NHSL1: variants seen among roughly 807,000 people sequenced by gnomAD.
The protein encoded by NHSL1 is NHS like 1, also known as NHS-like protein 1.
NHSL1 carries 48 observed loss-of-function variants against 95.0 expected under a neutral mutation model. The ratio of observed to expected loss-of-function variants is 0.51; its 90% confidence interval spans 0.40 to 0.64. NHSL1 has a LOEUF of 0.64. Ranked by LOEUF, NHSL1 falls within the 30% of genes least tolerant of loss-of-function variation. NHSL1 has a pLI of 0.00. For synonymous variants in NHSL1, 783 were observed against 833.9 expected (o/e 0.94, Z 1.05); for missense variants, 1,971 against 2,077.7 (o/e 0.95, Z 1.00).
intron 2 of NHSL1, among the ~76,000 whole-genome samples, chr6:138,483,274 G>A (rs1190213977): frequency 6.6e-6 from 1 of 152,126 alleles, no homozygotes; most frequent in Non-Finnish European, 1.5e-5. Context: ...AATGCCCAAA[G>A]GAAAAGAGGG....
intron 1 of NHSL1, among the ~76,000 whole-genome samples, chr6:138,555,624 T>A (rs1018724282): frequency 1.3e-5 from 2 of 152,184 alleles, no homozygotes; most frequent in Non-Finnish European, 2.9e-5. Context: ...AAAAGTGACA[T>A]GAGAAAGCCT....
In NHSL1 at chr6:138,424,518, C is replaced by T; in HGVS notation, c.4384G>A (p.Glu1462Lys). 6.4e-7 allele frequency: 1 copy of T among 1,551,624 alleles called. No individual in the cohort carries two copies. ...CTTGGGGAGCAGCTTGACGGGCTCT[C>T]GGGGGCATCTGGGGAAGGCTCTGAC... ...SRSEPSPDAP[E>K]SPSSCSPSKN... Residue 1462 changes from glutamate to lysine, a missense_variant, in exon 8 of 8, where the codon GAG becomes AAG. Physicochemically the swap from Glu to Lys is moderately conservative, Grantham distance 56. Coordinates refer to ENST00000343505, the MANE Select transcript of NHSL1 (RefSeq NM_001144060.2). The surrounding 1 kb of genome is among the most constrained non-coding windows in gnomAD (Gnocchi z 5.9).
At chr6:138,463,511 T>C (rs1308051253) in intron 3 of NHSL1, among the ~76,000 whole-genome samples, 1 of 152,094 alleles carries the variant, frequency 6.6e-6, no homozygotes, top group East Asian at 1.9e-4. Context: ...GTTCTTTTTT[T>C]TTTTTTTTTT....
At chr6:138,566,855 CTCTT>C (rs1475359462) in intron 1 of NHSL1, among the ~76,000 whole-genome samples, 1 of 152,178 alleles carries the variant, frequency 6.6e-6, no homozygotes, top group Non-Finnish European at 1.5e-5. Context: ...CACTGTGTGT[CTCTT>C]TCACAGAATG....
chr6:138,649,609 A>C (rs528378489), intron 1 of NHSL1, among the ~76,000 whole-genome samples: 3 of 152,302 alleles, frequency 2.0e-5, no homozygotes, highest in Non-Finnish European at 4.4e-5. Flanking sequence ...CATCGCCATT[A>C]AACAGATGAG....
intron 1 of NHSL1, among the ~76,000 whole-genome samples, chr6:138,608,313 T>C (rs1341515339): frequency 6.6e-6 from 1 of 152,176 alleles, no homozygotes; most frequent in East Asian, 1.9e-4. Flanking sequence ...AGCCTCAAGA[T>C]TCTAAATCTT....
intron 1 of NHSL1, among the ~76,000 whole-genome samples, chr6:138,527,490 T>C: frequency 6.6e-6 from 1 of 152,168 alleles, no homozygotes; most frequent in East Asian, 1.9e-4. Context: ...CTCATTTGCA[T>C]CCATGAATAG....
At position 138,499,329 on chromosome 6, in the gene NHSL1, C is replaced by T. The variant is rs1780547824; in HGVS notation, c.-39G>A. The stretch of plus-strand genomic sequence containing the variant: ...ACATAGAGCTTAGAAATGTAAATCA[C>T]ATTAAAAGCTCAGCCCAGTAGGCAG... On this transcript the variant is annotated 5_prime_UTR_variant, in exon 1 of 8. In the 5' UTR this introduces an upstream ATG that the reference lacks. Transcript: ENST00000343505. 4 of 1,548,040 alleles carry T rather than the reference C, an allele frequency of 2.6e-6. No individual in the cohort carries two copies. The highest frequency in any genetic ancestry group is 3.5e-6 in the Non-Finnish European group (4 of 1,144,974).
In NHSL1 at chr6:138,455,524, AGCCCCGCCTTCACATGCTCCCTGCAAGG is replaced by A. The variant is rs767382871; in HGVS notation, c.340-8359_340-8332del. Reference sequence around the variant, plus strand: ...CCGCCTTCACATGCTCCCTGCAAGGAGCCCCGCCTTCACATGCTCCCTGCAAGGAGCCCCGCCTTCGCATGCTTCCTGG... The same window carrying A: ...CCGCCTTCACATGCTCCCTGCAAGGAAGCCCCGCCTTCGCATGCTTCCTGG... On this transcript the variant is annotated intron_variant, in intron 3 of 7. Transcript: ENST00000343505. 7.9e-3 allele frequency among the ~76,000 whole-genome samples: 787 copies of A among 99,794 alleles called. 7 individuals are homozygous for A. The highest frequency in any genetic ancestry group is 0.012 in the Non-Finnish European group (485 of 40,426). The allele number at this position is 99,794 out of a possible 152,430, so 65.5% of individuals were successfully genotyped here. A position where few individuals can be genotyped will look rare whatever the true frequency, so the allele number is the denominator to read the frequency against.
exon 1 of NHSL1, chr6:138,572,222 T>C: frequency 3.7e-6 from 1 of 268,104 alleles, no homozygotes. Flanking sequence ...TGAAGCAGCG[T>C]GTTCATTTCA....
intron 2 of NHSL1, among the ~76,000 whole-genome samples, chr6:138,485,858 CT>C (rs1486084211): frequency 6.6e-6 from 1 of 152,124 alleles, no homozygotes; most frequent in Non-Finnish European, 1.5e-5. Flanking sequence ...TATCATTTGT[CT>C]TTGAAAAGTC....
chr6:138,495,253 A>G (rs1780282797), intron 2 of NHSL1, among the ~76,000 whole-genome samples: 1 of 152,148 alleles, frequency 6.6e-6, no homozygotes, highest in African/African-American at 2.4e-5. Context: ...AATAAGAAAA[A>G]CAAACCACAA....
intron 1 of NHSL1, among the ~76,000 whole-genome samples, chr6:138,540,254 C>A (rs1422161025): frequency 1.3e-5 from 2 of 152,210 alleles, no homozygotes; most frequent in African/African-American, 4.8e-5. Flanking sequence ...TAAAACCAGA[C>A]ATCTAAATGT....
At position 138,560,116 on chromosome 6, in the gene NHSL1, G is replaced by A. The variant is rs142238476; in HGVS notation, c.202+11594C>T. Among the ~76,000 whole-genome samples, 460 of 152,300 alleles carry A rather than the reference G, an allele frequency of 3.0e-3. 3 individuals carry two copies. The highest frequency in any genetic ancestry group is 0.01 in the African/African-American group (435 of 41,568). On this transcript the variant is annotated intron_variant, in intron 1 of 6. Transcript: ENST00000427025. ...CTCAACTTTCTCAGAAACTAGAGAA[G>A]AATTTACTAATTGGATTTTTGTTCA...
chr6:138,572,384 A>AC (rs1783872423), exon 1 of NHSL1: 1 of 153,712 alleles, frequency 6.5e-6, no homozygotes. Flanking sequence ...GTAACTCCTC[A>AC]CCCTAGAGAA....
intron 1 of NHSL1, chr6:138,571,696 A>T: frequency 6.5e-7 from 1 of 1,548,352 alleles, no homozygotes; most frequent in South Asian, 1.2e-5. Context: ...TAAATTTTTT[A>T]AAAATCGAGT....
intron 1 of NHSL1, among the ~76,000 whole-genome samples, chr6:138,629,193 G>C (rs1310207158): frequency 6.6e-6 from 1 of 152,106 alleles, no homozygotes; most frequent in African/African-American, 2.4e-5. Context: ...CTCCGAGAGG[G>C]AGACAATGGT....
intron 1 of NHSL1, among the ~76,000 whole-genome samples, chr6:138,586,074 A>C (rs1425531672): frequency 6.6e-6 from 1 of 151,430 alleles, no homozygotes. Context: ...CAAATAAATA[A>C]GAAGAAAAAG....
chr6:138,525,655 T>G lies in NHSL1; in HGVS notation c.16+19968A>C, dbSNP rs1253152048. 2.0e-5 allele frequency among the ~76,000 whole-genome samples: 3 copies of G among 152,064 alleles called. No homozygotes were observed. In the East Asian group the frequency reaches 5.8e-4, roughly 29 times the overall value. ...GACTATATAAAATCAGGACGTACTTTGTTGCCAAATAAAAAACAAAATAAA... is the reference window on the plus strand; with the variant it reads ...GACTATATAAAATCAGGACGTACTTGGTTGCCAAATAAAAAACAAAATAAA... On this transcript the variant is annotated intron_variant, in intron 1 of 4. Coordinates refer to the NHSL1 transcript ENST00000342260.
Sources: allele counts gnomAD v4.1 joint callset (sites outside exome capture counted in the v4.1 genomes callset), GRCh38; gene constraint gnomAD v4.1.1; non-coding constraint Gnocchi (gnomAD v3.1); transcripts MANE v1.5; gene names NCBI Gene and HGNC (gene_info 2026-07-23, HGNC 2026-07-21).